The following RSF1 variants were observed in gnomAD, a reference collection of about 807,000 sequenced individuals.
RSF1 encodes the protein remodeling and spacing factor 1, also known as HBV pX-associated protein 8.
A neutral mutation model predicts 145.2 loss-of-function variants in RSF1; 13 were observed. The ratio of observed to expected loss-of-function variants is 0.09; its 90% CI spans 0.06 to 0.14. RSF1 has a LOEUF of 0.14. RSF1 is among the 10% of genes least tolerant of loss of function. The pLI, the probability that RSF1 is intolerant of heterozygous loss-of-function variation, is 1.00. For synonymous variants in RSF1, 577 were observed against 592.6 expected (o/e 0.97, Z 0.38); for missense variants, 1,517 against 1,718.2 (o/e 0.88, Z 2.07).
In RSF1 at chr11:77,820,610, C is replaced by G. The variant is rs1030176377; in HGVS notation, c.105G>C (p.Pro35=). ...ACGGCAACTCAGGCAGGTCTAGCAGCGGCCCGTAGCGCTCCAAGAAGGAGC... is the reference window on the plus strand; with the variant it reads ...ACGGCAACTCAGGCAGGTCTAGCAGGGGCCCGTAGCGCTCCAAGAAGGAGC... The part of the protein sequence containing the change: ...VVCSFLERYG[P]LLDLPELPFP... The change falls in exon 1 of 16, where the codon CCG becomes CCC. Residue 35 remains proline, a synonymous_variant. Coordinates refer to ENST00000308488, the MANE Select transcript of RSF1 (RefSeq NM_016578.4). The G allele has an allele frequency of 2.8e-5, 44 of 1,566,634 alleles. No individual in the cohort carries two copies. The highest frequency in any genetic ancestry group is 3.5e-5 in the Non-Finnish European group (41 of 1,157,492).
At chr11:77,672,679 C>T (rs1033608460) in intron 14 of RSF1, among the ~76,000 whole-genome samples, 1 of 151,558 alleles carries the variant, frequency 6.6e-6, no homozygotes, top group African/African-American at 2.4e-5. Flanking sequence ...AATGTTTTAT[C>T]CTTTTTAGTT....
At chr11:77,688,678 T>C (rs1960072060) in intron 9 of RSF1, among the ~76,000 whole-genome samples, 1 of 152,078 alleles carries the variant, frequency 6.6e-6, no homozygotes, top group Non-Finnish European at 1.5e-5. Context: ...TAGTCCCTCC[T>C]ACTTGGGAGG....
intron 5 of RSF1, among the ~76,000 whole-genome samples, chr11:77,717,273 G>T (rs1960838585): frequency 6.6e-6 from 1 of 151,822 alleles, no homozygotes; most frequent in African/African-American, 2.4e-5. Context: ...TGAATACAGT[G>T]AGAATCCTGG....
At position 77,701,542 on chromosome 11, in the gene RSF1, T is replaced by C. The variant is rs1409540945; in HGVS notation, c.1687A>G (p.Thr563Ala). ...KTALSSTESC[T>A]MKGEEKSPKT... ...GGAGACTTCTCTTCACCTTTCATGGTACACGACTCGGTGGAAGATAAAGCA... is the reference window on the plus strand; with the variant it reads ...GGAGACTTCTCTTCACCTTTCATGGCACACGACTCGGTGGAAGATAAAGCA... Residue 563 changes from threonine to alanine, a missense_variant, in exon 6 of 16, where the codon ACC becomes GCC. Transcript: ENST00000308488. 1 of 1,614,090 alleles carries C rather than the reference T, an allele frequency of 6.2e-7. No individual in the cohort carries two copies. Among genetic ancestry groups the C allele is most frequent in the African/African-American group, 1.3e-5 (1 of 75,006 alleles).
intron 11 of RSF1, among the ~76,000 whole-genome samples, chr11:77,681,915 T>A (rs1488070412): frequency 6.6e-6 from 1 of 152,190 alleles, no homozygotes; most frequent in Non-Finnish European, 1.5e-5. Context: ...CAAATGGCGC[T>A]CCCATTTTTA....
intron 1 of RSF1, 58 bp from the exon 2 acceptor site, chr11:77,764,747 T>A (rs535070804): frequency 9.5e-5 from 99 of 1,044,740 alleles, no homozygotes; most frequent in Non-Finnish European, 1.4e-4. Flanking sequence ...TCTAAACATT[T>A]AAGATAATAA....
At chr11:77,777,580 C>T (rs1304209457) in intron 1 of RSF1, among the ~76,000 whole-genome samples, 6 of 151,918 alleles carry the variant, frequency 3.9e-5, no homozygotes, top group Non-Finnish European at 7.4e-5. Flanking sequence ...GCAACAAGAG[C>T]GAAACTCCGT....
chr11:77,852,954 TCG>T, the RSF1 span, among the ~76,000 whole-genome samples: 3 of 152,200 alleles, frequency 2.0e-5, no homozygotes, highest in African/African-American at 7.2e-5. Flanking sequence ...GGATGGGTAC[TCG>T]ATTGCTTTCA....
At chr11:77,738,620 C>T (rs899109259) in intron 4 of RSF1, 2 of 152,234 alleles carry the variant, frequency 1.3e-5, no homozygotes, top group Admixed American at 6.5e-5. Flanking sequence ...TAACTGTTAA[C>T]TCTAAAATTT....
intron 5 of RSF1, among the ~76,000 whole-genome samples, chr11:77,704,531 G>C (rs1960497707): frequency 6.6e-6 from 1 of 152,010 alleles, no homozygotes; most frequent in Non-Finnish European, 1.5e-5. Context: ...TAACAACATA[G>C]CAAAATAAAA....
intron 5 of RSF1, among the ~76,000 whole-genome samples, chr11:77,712,152 C>T (rs1565157030): frequency 6.6e-6 from 1 of 152,182 alleles, no homozygotes; most frequent in Non-Finnish European, 1.5e-5. Flanking sequence ...TTGTAATAAT[C>T]CCTATGTGTC....
chr11:77,840,462 G>A, the RSF1 span, among the ~76,000 whole-genome samples: 4 of 152,182 alleles, frequency 2.6e-5, no homozygotes, highest in African/African-American at 9.6e-5. Flanking sequence ...CCCGGAGGTG[G>A]AGGTTGCAGT....
At chr11:77,863,301 C>T in the RSF1 span, among the ~76,000 whole-genome samples, 1 of 152,116 alleles carries the variant, frequency 6.6e-6, no homozygotes, top group Non-Finnish European at 1.5e-5. Context: ...GACACCCTGC[C>T]GGATCCGGAG....
chr11:77,812,578 T>C (rs1948741523), intron 1 of RSF1, among the ~76,000 whole-genome samples: 1 of 152,118 alleles, frequency 6.6e-6, no homozygotes, highest in African/African-American at 2.4e-5. Context: ...TTTGCCCTCA[T>C]GCTCTTCTTT....
At chr11:77,811,762 T>C (rs1392130026) in intron 1 of RSF1, among the ~76,000 whole-genome samples, 3 of 152,210 alleles carry the variant, frequency 2.0e-5, no homozygotes, top group African/African-American at 7.2e-5. Flanking sequence ...AGACTCAATA[T>C]AACTTGGTAT....
intron 2 of RSF1, among the ~76,000 whole-genome samples, chr11:77,755,277 G>GAAGT (rs1395496028): frequency 6.6e-6 from 1 of 152,212 alleles, no homozygotes; most frequent in African/African-American, 2.4e-5. Context: ...GGATCAGAGA[G>GAAGT]AAGTAAGCTG....
chr11:77,668,151 C>T (rs946898671), intron 15 of RSF1, among the ~76,000 whole-genome samples: 3 of 152,042 alleles, frequency 2.0e-5, no homozygotes, highest in Admixed American at 6.6e-5. Context: ...GTGTGTGTGC[C>T]GCCACACCCA....
chr11:77,778,205 AGAGGATGGGGAGGGGAGGGGGT>A (rs1948366139), intron 1 of RSF1, among the ~76,000 whole-genome samples: 2 of 18,068 alleles, frequency 1.1e-4, no homozygotes, highest in African/African-American at 2.2e-4. Flanking sequence ...AGGGAAGGGG[AGAGGATGGGGAGGGGAGGGGGT>A]GGGGGAGGGA....
At chr11:77,755,939 G>A (rs1948111483) in intron 2 of RSF1, among the ~76,000 whole-genome samples, 1 of 152,096 alleles carries the variant, frequency 6.6e-6, no homozygotes. Flanking sequence ...CAAAGTTTGA[G>A]ACAAAGAGCA....
Sources: gnomAD v4.1 joint callset for allele counts (sites outside exome capture counted in the v4.1 genomes callset) on GRCh38, gnomAD v4.1.1 for gene constraint, MANE v1.5 for transcripts, NCBI Gene and HGNC (gene_info 2026-07-23, HGNC 2026-07-21) for gene names.